Variants in CDKN2B-AS1 observed in about 807,000 individuals in gnomAD.
CDKN2B-AS1 encodes CDKN2B and CDKN2A antisense cis and trans regulatory RNA 1.
intron 4 of CDKN2B-AS1, among the ~76,000 whole-genome samples, chr9:22,110,255 T>A (rs541870495): frequency 5.1e-4 from 77 of 152,288 alleles, no homozygotes; most frequent in African/African-American, 1.8e-3. Flanking sequence ...CTCATATTTG[T>A]CAGTATGAAC....
rs117430088 is a variant in CDKN2B-AS1, at chr9:22,030,225, A to G, written n.30-16526A>G. 5 of 152,328 alleles carry G rather than the reference A, an allele frequency of 3.3e-5. No homozygotes were observed. The East Asian group carries it at 9.6e-4, about 29-fold the overall frequency. The allele number at this position is 152,328 out of a possible 1,614,324, so 9.4% of individuals were successfully genotyped here. A position where few individuals can be genotyped will look rare whatever the true frequency, so the allele number is the denominator to read the frequency against. ...CAATACACTTCCTCTTTTGTAATGT[A>G]GATTTCAGCTTTTTGCTTGTAGAAT... On this transcript the variant is annotated intron_variant and non_coding_transcript_variant, in intron 1 of 4. Coordinates refer to ENST00000650946, the Ensembl canonical transcript of CDKN2B-AS1.
chr9:22,078,328 AAAAC>A (rs1281402313), intron 4 of CDKN2B-AS1, among the ~76,000 whole-genome samples: 1 of 152,084 alleles, frequency 6.6e-6, no homozygotes, highest in Non-Finnish European at 1.5e-5. Context: ...ATCAGTAGCT[AAAAC>A]CCCCATTTTC....
At position 22,039,875 on chromosome 9, in the gene CDKN2B-AS1, A is replaced by G. The variant is rs184473391; in HGVS notation, n.30-6876A>G. ...ATTTGGAAACAGGGTCATTGCAAAT[A>G]TAATTAGTTAAGATGCGATCTTACT... On this transcript the variant is annotated intron_variant and non_coding_transcript_variant, in intron 1 of 4. Transcript: ENST00000650946. This position sits in a 1 kb window ranked among gnomAD's most constrained non-coding sequence, Gnocchi z 4.4. Among the ~76,000 whole-genome samples, 9 of 152,144 alleles carry G rather than the reference A, an allele frequency of 5.9e-5. No individual in the cohort carries two copies. The highest frequency in any genetic ancestry group is 5.8e-4 in the East Asian group (3 of 5,158).
intron 1 of CDKN2B-AS1, among the ~76,000 whole-genome samples, chr9:22,034,203 A>G (rs1358136219): frequency 1.3e-5 from 2 of 152,180 alleles, no homozygotes; most frequent in Non-Finnish European, 1.5e-5. Flanking sequence ...TGTGCTTTCC[A>G]TATTAAAATT....
At chr9:22,026,997 T>C (rs763131651) in intron 1 of CDKN2B-AS1, among the ~76,000 whole-genome samples, 1 of 152,180 alleles carries the variant, frequency 6.6e-6, no homozygotes, top group Non-Finnish European at 1.5e-5. Context: ...CTTCCTGCCT[T>C]GATTTGCTCT....
chr9:22,081,460 C>A (rs555966633), intron 4 of CDKN2B-AS1, among the ~76,000 whole-genome samples: 1 of 152,104 alleles, frequency 6.6e-6, no homozygotes, highest in Non-Finnish European at 1.5e-5. Flanking sequence ...TAGGTATTAC[C>A]AACCCAAAGT....
At chr9:22,064,732 G>A (rs1386621882) in intron 4 of CDKN2B-AS1, among the ~76,000 whole-genome samples, 2 of 152,110 alleles carry the variant, frequency 1.3e-5, no homozygotes, top group Admixed American at 6.5e-5. Flanking sequence ...CTGTGTGCAC[G>A]GTGGAGGCAT....
intron 1 of CDKN2B-AS1, among the ~76,000 whole-genome samples, chr9:22,022,729 T>G (rs1041809198): frequency 1.3e-5 from 2 of 152,196 alleles, no homozygotes; most frequent in Non-Finnish European, 2.9e-5. Context: ...GTTACTAATT[T>G]GTGTACTTCA....
At chr9:22,073,408 G>C (rs1188018169) in intron 4 of CDKN2B-AS1, among the ~76,000 whole-genome samples, 1 of 152,000 alleles carries the variant, frequency 6.6e-6, no homozygotes, top group African/African-American at 2.4e-5. Flanking sequence ...TGCAAAATTA[G>C]CAAAAATCCC....
At chr9:22,084,423 G>A (rs1013763441) in intron 4 of CDKN2B-AS1, among the ~76,000 whole-genome samples, 13 of 152,170 alleles carry the variant, frequency 8.5e-5, no homozygotes, top group Non-Finnish European at 1.9e-4. Context: ...TTGAGAAATT[G>A]GCCATGTAGT....
chr9:22,024,352 C>T (rs496892), intron 1 of CDKN2B-AS1, among the ~76,000 whole-genome samples: 59,897 of 152,014 alleles, frequency 0.39, 12,542 homozygotes, highest in Non-Finnish European at 0.48. Flanking sequence ...TGGGTGCTAG[C>T]GGATTCAGGG....
At chr9:22,085,586 T>C (rs1282239979) in intron 4 of CDKN2B-AS1, among the ~76,000 whole-genome samples, 3 of 152,012 alleles carry the variant, frequency 2.0e-5, no homozygotes, top group African/African-American at 7.2e-5. Context: ...CCAGGTGTGG[T>C]GGCGGGCCCC....
Position 21,996,381 on chromosome 9 carries a change from G to A in CDKN2B-AS1, n.29+1220G>A, listed in dbSNP as rs1820686279. On this transcript the variant is annotated intron_variant and non_coding_transcript_variant, in intron 1 of 4. Coordinates refer to ENST00000650946, the Ensembl canonical transcript of CDKN2B-AS1. This position sits in a 1 kb window ranked among gnomAD's most constrained non-coding sequence, Gnocchi z 5.4. The stretch of plus-strand genomic sequence containing the variant: ...TTTACCCAACACCGTGCTTTGTGCT[G>A]GGGCCACATGCCACCTTTCTGTCTA... 6.6e-6 allele frequency among the ~76,000 whole-genome samples: 1 copy of A among 152,088 alleles called. No individual in the cohort carries two copies. The highest frequency in any genetic ancestry group is 1.9e-4 in the East Asian group (1 of 5,190).
chr9:22,090,979 A>C (rs1825060661), intron 4 of CDKN2B-AS1, among the ~76,000 whole-genome samples: 1 of 152,142 alleles, frequency 6.6e-6, no homozygotes, highest in East Asian at 1.9e-4. Flanking sequence ...TTAAGTCTTT[A>C]ATCCATCTTG....
intron 1 of CDKN2B-AS1, among the ~76,000 whole-genome samples, chr9:22,040,762 G>A (rs1186670192): frequency 6.6e-6 from 1 of 152,004 alleles, no homozygotes; most frequent in Non-Finnish European, 1.5e-5. Context: ...TGAATACAGA[G>A]ATACACAATT....
chr9:22,086,676 C>A (rs1017374273), intron 4 of CDKN2B-AS1, among the ~76,000 whole-genome samples: 1 of 152,144 alleles, frequency 6.6e-6, no homozygotes, highest in Admixed American at 6.5e-5. Flanking sequence ...CTCACAGGGT[C>A]TGAGGCAGCT....
At position 22,090,078 on chromosome 9, in the gene CDKN2B-AS1, T is replaced by C. The variant is rs935671277; in HGVS notation, n.438+33691T>C. 2.1e-4 allele frequency among the ~76,000 whole-genome samples: 32 copies of C among 150,284 alleles called. No homozygotes were observed. In the East Asian group the frequency reaches 5.2e-3, roughly 24 times the overall value. On this transcript the variant is annotated intron_variant and non_coding_transcript_variant, in intron 4 of 4. Coordinates refer to ENST00000650946, the Ensembl canonical transcript of CDKN2B-AS1. ...CACCTATGAGTGAGAACATGCAGTGTTTGGTTTTTTGTCCTTGTGATAATT... is the reference window on the plus strand; with the variant it reads ...CACCTATGAGTGAGAACATGCAGTGCTTGGTTTTTTGTCCTTGTGATAATT...
At chr9:22,068,085 C>T (rs1335254387) in intron 4 of CDKN2B-AS1, among the ~76,000 whole-genome samples, 1 of 152,144 alleles carries the variant, frequency 6.6e-6, no homozygotes, top group Non-Finnish European at 1.5e-5. Context: ...GGGGCTTACT[C>T]TACACTTAAA....
At position 22,006,392 on chromosome 9, in the gene CDKN2B-AS1, T is replaced by C. The variant is rs1028537388; in HGVS notation, n.29+11231T>C. On this transcript the variant is annotated intron_variant and non_coding_transcript_variant, in intron 1 of 4. Transcript: ENST00000650946. This position sits in a 1 kb window ranked among gnomAD's most constrained non-coding sequence, Gnocchi z 6.4. ...CAGAGGTGTTCAGGTCTCTGATGTCTGGTGTTTCTTCATTTGCTGATGCAA... is the reference window on the plus strand; with the variant it reads ...CAGAGGTGTTCAGGTCTCTGATGTCCGGTGTTTCTTCATTTGCTGATGCAA... 3.6e-6 allele frequency: 4 copies of C among 1,119,458 alleles called. No individual in the cohort carries two copies. Among genetic ancestry groups the C allele is most frequent in the African/African-American group, 3.1e-5 (2 of 64,668 alleles). 69.3% of individuals were successfully genotyped at this position (1,119,458 alleles called of 1,614,324 possible).
Sources: allele counts gnomAD v4.1 joint callset (sites outside exome capture counted in the v4.1 genomes callset), GRCh38; gene constraint gnomAD v4.1.1; non-coding constraint Gnocchi (gnomAD v3.1); transcripts MANE v1.5; gene names NCBI Gene and HGNC (gene_info 2026-07-23, HGNC 2026-07-21).